The following PACSIN1 variants were observed in gnomAD, a reference collection of about 807,000 sequenced individuals.
PACSIN1 encodes the protein protein kinase C and casein kinase substrate in neurons protein 1.
In PACSIN1, 15 loss-of-function variants were observed where a neutral mutation model predicts 59.5. The ratio of observed to expected loss-of-function variants is 0.25; its 90% CI spans 0.17 to 0.39. The LOEUF is 0.39. Ranked by LOEUF, PACSIN1 falls within the 10% of genes least tolerant of loss-of-function variation. The probability of loss-of-function intolerance (pLI) is 1.00; values close to 1 mark genes in which losing one functional copy is unlikely to be tolerated. For synonymous variants in PACSIN1, 210 were observed against 220.6 expected (o/e 0.95, Z 0.42); for missense variants, 420 against 580.2 (o/e 0.72, Z 2.84).
At chr6:34,469,446 T>C (rs940608708) in intron 1 of PACSIN1, among the ~76,000 whole-genome samples, 19 of 151,790 alleles carry the variant, frequency 1.3e-4, no homozygotes, top group African/African-American at 4.6e-4. Context: ...TCCCAGGAAG[T>C]AGCCGTGAGG....
chr6:34,473,543 C>T (rs1016817113), intron 1 of PACSIN1, among the ~76,000 whole-genome samples: 1 of 152,076 alleles, frequency 6.6e-6, no homozygotes, highest in Non-Finnish European at 1.5e-5. Flanking sequence ...TCACTGGGTT[C>T]CCGGGGTCTA....
chr6:34,490,367 C>G (rs1186173074), intron 1 of PACSIN1, among the ~76,000 whole-genome samples: 1 of 151,790 alleles, frequency 6.6e-6, no homozygotes, highest in East Asian at 1.9e-4. Context: ...ATGCCCAGCT[C>G]TTGGACTCTT....
At chr6:34,490,670 A>G (rs1257360128) in intron 1 of PACSIN1, among the ~76,000 whole-genome samples, 1 of 152,128 alleles carries the variant, frequency 6.6e-6, no homozygotes, top group East Asian at 1.9e-4. Flanking sequence ...TGAGCTTCTT[A>G]GGGGCTTTCC....
intron 1 of PACSIN1, among the ~76,000 whole-genome samples, chr6:34,485,466 G>A (rs1006010723): frequency 6.6e-6 from 1 of 151,976 alleles, no homozygotes; most frequent in Non-Finnish European, 1.5e-5. Context: ...TGAAGGGAGA[G>A]TCAGCGGGGT....
In PACSIN1 at chr6:34,530,457, C is replaced by A; in HGVS notation, c.910-3C>A. ...AGCCTGACTGCTCCACTGGCCCCAC[C>A]AGGAGTGGAACCCAGACCTTCCTCA... On this transcript the variant is annotated splice_region_variant and splice_polypyrimidine_tract_variant and intron_variant, in intron 7 of 9. Coordinates refer to ENST00000244458, the MANE Select transcript of PACSIN1 (RefSeq NM_020804.5). This position sits in a 1 kb window ranked among gnomAD's most constrained non-coding sequence, Gnocchi z 4.4. 6.3e-7 allele frequency: 1 copy of A among 1,599,088 alleles called. No homozygotes were observed. Among genetic ancestry groups the A allele is most frequent in the South Asian group, 1.1e-5 (1 of 89,106 alleles).
rs559817804 is a variant in PACSIN1 at position 34,478,204 on chromosome 6, C to T, written c.-64+11934C>T. 8.1e-4 allele frequency among the ~76,000 whole-genome samples: 123 copies of T among 150,972 alleles called. 1 individual carries two copies. The South Asian group carries it at 0.014, about 17-fold the overall frequency. Reference sequence around the variant, plus strand: ...CCTCCTGAGTAGCTGGGACTACAGGCGCATCCCACAGTGCCCAGCTAATTT... The same window carrying T: ...CCTCCTGAGTAGCTGGGACTACAGGTGCATCCCACAGTGCCCAGCTAATTT... On this transcript the variant is annotated intron_variant, in intron 1 of 9. Transcript: ENST00000244458.
intron 1 of PACSIN1, among the ~76,000 whole-genome samples, chr6:34,500,605 G>A (rs4713802): frequency 3.9e-5 from 6 of 152,034 alleles, no homozygotes; most frequent in African/African-American, 1.2e-4. Flanking sequence ...AGAATTTCAG[G>A]AATGGTAAAT....
At chr6:34,471,826 G>C (rs1766574459) in intron 1 of PACSIN1, among the ~76,000 whole-genome samples, 1 of 152,194 alleles carries the variant, frequency 6.6e-6, no homozygotes, top group Non-Finnish European at 1.5e-5. Flanking sequence ...ATGTCTGTCA[G>C]GAGGACCAGT....
intron 1 of PACSIN1, among the ~76,000 whole-genome samples, chr6:34,505,433 G>A (rs963263928): frequency 6.6e-6 from 1 of 150,862 alleles, no homozygotes; most frequent in African/African-American, 2.4e-5. Context: ...TTTCAGCCCC[G>A]ACTCTTTCTC....
At chr6:34,481,250 A>G (rs757428031) in intron 1 of PACSIN1, among the ~76,000 whole-genome samples, 5 of 152,042 alleles carry the variant, frequency 3.3e-5, no homozygotes, top group East Asian at 1.9e-4. Context: ...GGATTTCACA[A>G]TGTTGGCCAG....
chr6:34,504,556 G>A, intron 1 of PACSIN1, among the ~76,000 whole-genome samples: 1 of 152,122 alleles, frequency 6.6e-6, no homozygotes, highest in East Asian at 1.9e-4. Context: ...TTCCCCAAGT[G>A]CTGGGATTGC....
At chr6:34,473,612 G>A (rs1400623213) in intron 1 of PACSIN1, among the ~76,000 whole-genome samples, 1 of 152,172 alleles carries the variant, frequency 6.6e-6, no homozygotes, top group Non-Finnish European at 1.5e-5. Flanking sequence ...AGGGCTGGGG[G>A]TTGGGGGTCC....
rs147185109 is a variant in PACSIN1 at position 34,531,168 on chromosome 6, CTCAT to C, written c.1038-427_1038-424del. On this transcript the variant is annotated intron_variant, in intron 8 of 9. Coordinates refer to ENST00000244458, the MANE Select transcript of PACSIN1 (RefSeq NM_020804.5). This position sits in a 1 kb window ranked among gnomAD's most constrained non-coding sequence, Gnocchi z 4.4. ...GTTCTATGCACTTTCCATATGTTAA[CTCAT>C]TCATGCTCAAGTGCGTAAATATTAC... Among the ~76,000 whole-genome samples, 2,001 of 152,330 alleles carry C rather than the reference CTCAT, an allele frequency of 0.013. 45 individuals carry two copies. The highest frequency in any genetic ancestry group is 0.045 in the African/African-American group (1,850 of 41,568).
At chr6:34,483,914 G>T (rs1486707117) in intron 1 of PACSIN1, among the ~76,000 whole-genome samples, 1 of 152,086 alleles carries the variant, frequency 6.6e-6, no homozygotes, top group Non-Finnish European at 1.5e-5. Flanking sequence ...CTCCCAAAGT[G>T]TTGGGATTAC....
intron 1 of PACSIN1, among the ~76,000 whole-genome samples, chr6:34,487,986 TG>T (rs1259238886): frequency 2.0e-5 from 3 of 152,140 alleles, no homozygotes. Context: ...TCTCTTTTCC[TG>T]GGGAGGCTTA....
Position 34,530,440 on chromosome 6 carries a change from T to A in PACSIN1, c.910-20T>A. The A allele has an allele frequency of 6.3e-7, 1 of 1,597,572 alleles. No individual in the cohort carries two copies. Among genetic ancestry groups the A allele is most frequent in the Non-Finnish European group, 8.5e-7 (1 of 1,169,736 alleles). ...TCAGGGCATAGTCCCCCAGCCTGACTGCTCCACTGGCCCCACCAGGAGTGG... is the reference window on the plus strand; with the variant it reads ...TCAGGGCATAGTCCCCCAGCCTGACAGCTCCACTGGCCCCACCAGGAGTGG... On this transcript the variant is annotated intron_variant, in intron 7 of 9. Coordinates refer to ENST00000244458, the MANE Select transcript of PACSIN1 (RefSeq NM_020804.5). The surrounding 1 kb of genome is among the most constrained non-coding windows in gnomAD (Gnocchi z 4.4).
At chr6:34,520,895 GTCA>G (rs575433881) in intron 1 of PACSIN1, among the ~76,000 whole-genome samples, 2 of 152,142 alleles carry the variant, frequency 1.3e-5, no homozygotes, top group African/African-American at 4.8e-5. Context: ...TTCTGGTTGT[GTCA>G]TCATCATCAT....
intron 1 of PACSIN1, among the ~76,000 whole-genome samples, chr6:34,523,636 G>A (rs1209455342): frequency 1.3e-5 from 2 of 152,254 alleles, no homozygotes; most frequent in East Asian, 3.8e-4. Context: ...CCCACAGGGA[G>A]TGCCAGGTGA....
rs189081256 is a variant in PACSIN1 at position 34,488,323 on chromosome 6, T to C, written c.-64+22053T>C. Among the ~76,000 whole-genome samples the C allele has an allele frequency of 6.3e-4, 96 of 152,284 alleles. No individual in the cohort carries two copies. The highest frequency in any genetic ancestry group is 5.3e-3 in the Admixed American group (81 of 15,302). On this transcript the variant is annotated intron_variant, in intron 1 of 9. Transcript: ENST00000244458. The surrounding 1 kb of genome is among the most constrained non-coding windows in gnomAD (Gnocchi z 4.7). Reference sequence around the variant, plus strand: ...CCTGCCCCTTGCCATACAAACAGTGTGAGGCTTGTACAGAAGGCCCAAGTG... The same window carrying C: ...CCTGCCCCTTGCCATACAAACAGTGCGAGGCTTGTACAGAAGGCCCAAGTG...
Sources: gnomAD v4.1 joint callset for allele counts (sites outside exome capture counted in the v4.1 genomes callset) on GRCh38, gnomAD v4.1.1 for gene constraint, Gnocchi (gnomAD v3.1) non-coding constraint, MANE v1.5 for transcripts, NCBI Gene and HGNC (gene_info 2026-07-23, HGNC 2026-07-21) for gene names.